Variants in NDUFS2 observed in about 807,000 individuals in gnomAD.
NDUFS2 encodes NADH:ubiquinone oxidoreductase core subunit S2, also known as NADH dehydrogenase [ubiquinone] iron-sulfur protein 2, mitochondrial.
NDUFS2 carries 38 observed loss-of-function variants against 69.6 expected under a neutral mutation model. That is an observed-to-expected ratio of 0.55 (90% CI 0.42 to 0.72). The LOEUF is 0.72. NDUFS2 is among the 30% of genes least tolerant of loss of function. The pLI, the probability that NDUFS2 is intolerant of heterozygous loss-of-function variation, is 0.00. For missense variants in NDUFS2, 468 were observed against 595.0 expected, an observed-to-expected ratio of 0.79 and a Z score of 2.22; for synonymous variants, 194 against 211.2, an observed-to-expected ratio of 0.92 and a Z score of 0.70.
In NDUFS2 at chr1:161,209,890, C is replaced by T. The variant is rs1324972082; in HGVS notation, c.661C>T (p.Arg221Ter). ...GTTCTACGAGCGAGTGTCTGGAGCC[C>T]GAATGCATGCTGCTTATATCCGGCC... Reference protein sequence around the residue: ...FEFYERVSGARMHAAYIRPGG... With the variant: ...FEFYERVSGA The change falls in exon 6 of 14, where the codon CGA becomes TGA. Residue 221 changes from arginine (R) to a stop codon, truncating the protein, a stop_gained. Coordinates refer to ENST00000676972, the MANE Select transcript of NDUFS2 (RefSeq NM_001377299.1). LOFTEE classifies it high-confidence loss of function. 6 of 1,614,002 alleles carry T rather than the reference C, an allele frequency of 3.7e-6. No homozygotes were observed. The highest frequency in any genetic ancestry group is 4.2e-6 in the Non-Finnish European group (5 of 1,180,008).
chr1:161,206,414 C>T lies in NDUFS2; in HGVS notation c.210C>T (p.Asp70=). The change falls in exon 3 of 14, where the codon GAC becomes GAT. Residue 70 remains aspartate, a synonymous_variant. Coordinates refer to ENST00000676972, the MANE Select transcript of NDUFS2 (RefSeq NM_001377299.1). Reference sequence around the variant, plus strand: ...CTATTTCTTACTTCTCAGATGTGGACCCTCCAAAGGACACAATTGTGAAGA... The same window carrying T: ...CTATTTCTTACTTCTCAGATGTGGATCCTCCAAAGGACACAATTGTGAAGA... ...HWKPPPWNDV[D]PPKDTIVKNI... 2 of 1,614,172 alleles carry T rather than the reference C, an allele frequency of 1.2e-6. No individual in the cohort carries two copies. The highest frequency in any genetic ancestry group is 8.5e-7 in the Non-Finnish European group (1 of 1,180,022).
chr1:161,210,045 G>C, intron 6 of NDUFS2, 66 bp from the exon 7 acceptor site: 2 of 1,588,464 alleles, frequency 1.3e-6, no homozygotes, highest in South Asian at 2.2e-5. Flanking sequence ...GGGGGAGGGG[G>C]TGCTGAGAGG....
intron 8 of NDUFS2, 68 bp downstream of exon 8, chr1:161,210,457 T>G (rs1665710032): frequency 1.2e-6 from 2 of 1,601,496 alleles, no homozygotes; most frequent in Non-Finnish European, 1.7e-6. Flanking sequence ...CCTAATATCT[T>G]GTCTTTGAAG....
At chr1:161,203,790 CAG>C (rs1665307747) in intron 2 of NDUFS2, 4 of 501,684 alleles carry the variant, frequency 8.0e-6, no homozygotes, top group Admixed American at 6.1e-5. Flanking sequence ...TTTGTAGAGA[CAG>C]AGTCTTGCTA....
At chr1:161,198,888 CTG>C (rs1664991186), upstream of NDUFS2, 1 of 431,504 alleles carries the variant, frequency 2.3e-6, no homozygotes, top group Admixed American at 3.9e-5. This position sits in a 1 kb window ranked among gnomAD's most constrained non-coding sequence, Gnocchi z 4.7. Context: ...CTCTCCCTGC[CTG>C]TGTCTTCTGC....
chr1:161,200,740 CA>C (rs1404595888), upstream of NDUFS2, among the ~76,000 whole-genome samples: 1 of 152,136 alleles, frequency 6.6e-6, no homozygotes, highest in Admixed American at 6.5e-5. Context: ...CCAGAAGGGG[CA>C]GGGGCAAGAG....
At chr1:161,204,449 T>C (rs1306150054) in intron 2 of NDUFS2, among the ~76,000 whole-genome samples, 2 of 152,256 alleles carry the variant, frequency 1.3e-5, no homozygotes, top group Non-Finnish European at 1.5e-5. Context: ...ATCATTCTTA[T>C]TCAGATTTAT....
intron 3 of NDUFS2, among the ~76,000 whole-genome samples, chr1:161,208,419 G>T (rs975977521): frequency 2.0e-5 from 3 of 152,006 alleles, no homozygotes; most frequent in African/African-American, 7.3e-5. Flanking sequence ...TCCTGCCTCA[G>T]CCTCCCAAGT....
At chr1:161,203,109 C>A (rs1665244159) in intron 1 of NDUFS2, among the ~76,000 whole-genome samples, 1 of 152,064 alleles carries the variant, frequency 6.6e-6, no homozygotes, top group Non-Finnish European at 1.5e-5. Context: ...GAGTTCGAGA[C>A]CATCCTGACC....
chr1:161,212,871 G>A (rs1433427540), intron 10 of NDUFS2, among the ~76,000 whole-genome samples: 1 of 151,756 alleles, frequency 6.6e-6, no homozygotes, highest in African/African-American at 2.4e-5. Context: ...TTTTAATAGA[G>A]AATTTACTGT....
At position 161,204,298 on chromosome 1, in the gene NDUFS2, T is replaced by C. The variant is rs560548755; in HGVS notation, c.202+755T>C. ...ATCAGTGGCACCCTCATTCTCCTAA[T>C]CCCTCAGGATTGAAACTTTTTAGTC... On this transcript the variant is annotated intron_variant, in intron 2 of 13. Transcript: ENST00000676972. Among the ~76,000 whole-genome samples the C allele has an allele frequency of 1.2e-4, 18 of 152,344 alleles. No individual in the cohort carries two copies. The East Asian group carries it at 3.3e-3, about 28-fold the overall frequency.
intron 1 of NDUFS2, 89 bp downstream of exon 1, chr1:161,202,569 C>A: frequency 7.6e-7 from 1 of 1,313,434 alleles, no homozygotes; most frequent in Non-Finnish European, 1.1e-6. Flanking sequence ...AAATAATAAC[C>A]CAAGCCTGTG....
chr1:161,208,551 C>T (rs1355800994), intron 3 of NDUFS2, among the ~76,000 whole-genome samples: 9 of 152,022 alleles, frequency 5.9e-5, no homozygotes, highest in African/African-American at 1.9e-4. Flanking sequence ...CTACCCGCCT[C>T]GGCCTCCCAA....
chr1:161,209,893 A>G lies in NDUFS2; in HGVS notation c.664A>G (p.Met222Val). 1 of 1,614,098 alleles carries G rather than the reference A, an allele frequency of 6.2e-7. No individual in the cohort carries two copies. Among genetic ancestry groups the G allele is most frequent in the Non-Finnish European group, 8.5e-7 (1 of 1,180,020 alleles). ...EFYERVSGAR[M>V]HAAYIRPGGV... Reference sequence around the variant, plus strand: ...CTACGAGCGAGTGTCTGGAGCCCGAATGCATGCTGCTTATATCCGGCCAGG... The same window carrying G: ...CTACGAGCGAGTGTCTGGAGCCCGAGTGCATGCTGCTTATATCCGGCCAGG... The change falls in exon 6 of 14, where the codon ATG (methionine) becomes GTG (valine). Residue 222 changes from methionine to valine, a missense_variant. Met to Val is a conservative substitution (Grantham distance 21). Transcript: ENST00000676972.
At chr1:161,200,940 C>G (rs1474855459), upstream of NDUFS2, among the ~76,000 whole-genome samples, 6 of 152,190 alleles carry the variant, frequency 3.9e-5, no homozygotes, top group Admixed American at 3.9e-4. Flanking sequence ...GCCCCCCACC[C>G]CAGTCCCAGC....
upstream of NDUFS2, among the ~76,000 whole-genome samples, chr1:161,199,861 G>A (rs146475096): frequency 2.9e-3 from 266 of 91,450 alleles, 1 homozygote; most frequent in Non-Finnish European, 4.5e-3. Context: ...CAGCCATTCC[G>A]CCTCCATTTC....
intron 2 of NDUFS2, among the ~76,000 whole-genome samples, chr1:161,204,038 G>A (rs1474095204): frequency 1.3e-5 from 2 of 152,200 alleles, no homozygotes; most frequent in Non-Finnish European, 2.9e-5. Flanking sequence ...AGAAGGAAAG[G>A]AAGGATGTTG....
intron 13 of NDUFS2, 58 bp downstream of exon 13, chr1:161,213,979 T>G (rs767002452): frequency 8.1e-6 from 13 of 1,613,882 alleles, no homozygotes; most frequent in Non-Finnish European, 1.1e-5. Context: ...GGACGCCCAC[T>G]GGGGACAGAA....
chr1:161,207,854 C>G (rs1468365982), intron 3 of NDUFS2, among the ~76,000 whole-genome samples: 1 of 151,456 alleles, frequency 6.6e-6, no homozygotes, highest in Admixed American at 6.6e-5. Flanking sequence ...GCTCTGTCGC[C>G]CAGGCTGGAG....
Sources: allele counts gnomAD v4.1 joint callset (sites outside exome capture counted in the v4.1 genomes callset), GRCh38; gene constraint gnomAD v4.1.1; non-coding constraint Gnocchi (gnomAD v3.1); transcripts MANE v1.5; gene names NCBI Gene and HGNC (gene_info 2026-07-23, HGNC 2026-07-21).